RABGAP1L: variants seen among roughly 807,000 people sequenced by gnomAD.
RABGAP1L encodes rab GTPase-activating protein 1-like.
Under a neutral mutation model 137.7 loss-of-function variants are expected in RABGAP1L, and 63 were observed. That is an observed-to-expected ratio of 0.46 (90% CI 0.37 to 0.56). The LOEUF (loss-of-function observed/expected upper bound fraction) is 0.56, where lower values mean the gene tolerates loss of function less well. Ranked by LOEUF, RABGAP1L falls within the 20% of genes least tolerant of loss-of-function variation. RABGAP1L has a pLI of 0.00. For missense variants in RABGAP1L, 1,095 were observed against 1,244.0 expected (o/e 0.88, Z 1.80); for synonymous variants, 431 against 433.7 (o/e 0.99, Z 0.08).
chr1:174,349,953 T>C (rs958219793), intron 11 of RABGAP1L, among the ~76,000 whole-genome samples: 14 of 58,780 alleles, frequency 2.4e-4, no homozygotes, highest in East Asian at 5.9e-4. Context: ...GCTGGCCGGG[T>C]GGGGGGGCTG....
intron 17 of RABGAP1L, among the ~76,000 whole-genome samples, chr1:174,736,501 C>T (rs1387295188): frequency 6.6e-6 from 1 of 152,226 alleles, no homozygotes; most frequent in African/African-American, 2.4e-5. Context: ...AGGATTCAAG[C>T]TGCCCATGGC....
intron 19 of RABGAP1L, among the ~76,000 whole-genome samples, chr1:174,904,326 G>A (rs989104161): frequency 2.0e-5 from 3 of 152,094 alleles, no homozygotes; most frequent in Non-Finnish European, 4.4e-5. Context: ...AACTATGGTT[G>A]TACCACTGCA....
In RABGAP1L at chr1:174,488,085, T is replaced by G. The variant is rs115709427; in HGVS notation, c.1710+93940T>G. On this transcript the variant is annotated intron_variant, in intron 13 of 25. Transcript: ENST00000681986. Reference sequence around the variant, plus strand: ...ATACCACAGTTACAGTTTTATAATATTCTGTGGGGTTTTTTTCTGTGTATT... The same window carrying G: ...ATACCACAGTTACAGTTTTATAATAGTCTGTGGGGTTTTTTTCTGTGTATT... Among the ~76,000 whole-genome samples, 660 of 152,274 alleles carry G rather than the reference T, an allele frequency of 4.3e-3. 4 individuals are homozygous for G. The highest frequency in any genetic ancestry group is 0.015 in the African/African-American group (624 of 41,576).
At chr1:174,791,517 T>TCTAG (rs1443454287) in intron 18 of RABGAP1L, among the ~76,000 whole-genome samples, 13 of 152,220 alleles carry the variant, frequency 8.5e-5, no homozygotes, top group Admixed American at 8.5e-4. Flanking sequence ...AAAATGCTGG[T>TCTAG]CTAGCTTGAG....
At chr1:174,860,288 A>T (rs560684497) in intron 19 of RABGAP1L, among the ~76,000 whole-genome samples, 1 of 152,184 alleles carries the variant, frequency 6.6e-6, no homozygotes, top group Admixed American at 6.5e-5. Context: ...AGGGAGACGG[A>T]GGTGGAAGGA....
intron 13 of RABGAP1L, among the ~76,000 whole-genome samples, chr1:174,602,880 A>C (rs1670519695): frequency 6.6e-6 from 1 of 152,134 alleles, no homozygotes; most frequent in African/African-American, 2.4e-5. Context: ...GTGCTTCTTC[A>C]AAATAGGTAT....
chr1:174,952,256 C>T (rs1215921486), intron 19 of RABGAP1L, among the ~76,000 whole-genome samples: 2 of 141,120 alleles, frequency 1.4e-5, no homozygotes, highest in African/African-American at 2.7e-5. Flanking sequence ...AATCCCAGCA[C>T]TTTGGGAGGC....
intron 13 of RABGAP1L, among the ~76,000 whole-genome samples, chr1:174,489,519 T>A (rs1660010111): frequency 6.6e-6 from 1 of 151,618 alleles, no homozygotes; most frequent in Non-Finnish European, 1.5e-5. Context: ...CATTAAAAAG[T>A]CAGGAAACAA....
rs1415674068 is a variant in RABGAP1L, at chr1:174,281,270, C to T, written c.1323+2491C>T. Among the ~76,000 whole-genome samples, 2 of 151,788 alleles carry T rather than the reference C, an allele frequency of 1.3e-5. 1 individual carries two copies. The highest frequency in any genetic ancestry group is 2.9e-5 in the Non-Finnish European group (2 of 68,012). On this transcript the variant is annotated intron_variant, in intron 10 of 25. Transcript: ENST00000681986. ...CCAGCCTGCGCCCTGCTGATTGGTCCATTTTACAGAGCACTGATTGGTCCA... is the reference window on the plus strand; with the variant it reads ...CCAGCCTGCGCCCTGCTGATTGGTCTATTTTACAGAGCACTGATTGGTCCA...
chr1:174,978,778 C>A, intron 22 of RABGAP1L, 29 bp from the exon 23 acceptor site: 1 of 1,513,274 alleles, frequency 6.6e-7, no homozygotes, highest in Admixed American at 2.5e-5. Context: ...TTGGCTAAAT[C>A]CTGATATTTC....
intron 13 of RABGAP1L, among the ~76,000 whole-genome samples, chr1:174,438,130 G>T (rs1291387192): frequency 2.6e-5 from 4 of 152,166 alleles, no homozygotes; most frequent in Non-Finnish European, 5.9e-5. Flanking sequence ...AAATTGTAAA[G>T]ACCATCGAGG....
At chr1:174,945,165 T>C (rs1666533520) in intron 19 of RABGAP1L, among the ~76,000 whole-genome samples, 1 of 152,230 alleles carries the variant, frequency 6.6e-6, no homozygotes, top group Non-Finnish European at 1.5e-5. Context: ...CTTTCTGTGG[T>C]CCAATTTTGG....
chr1:174,590,115 T>C (rs1249148522), intron 13 of RABGAP1L, among the ~76,000 whole-genome samples: 1 of 140,942 alleles, frequency 7.1e-6, no homozygotes, highest in African/African-American at 2.6e-5. Flanking sequence ...TTGTGACCTC[T>C]TCAGTTTCTT....
intron 17 of RABGAP1L, among the ~76,000 whole-genome samples, chr1:174,720,171 C>G (rs1235105931): frequency 1.3e-5 from 2 of 151,660 alleles, no homozygotes; most frequent in African/African-American, 4.9e-5. Context: ...ACAAGGATGC[C>G]AAGACAATTT....
At chr1:174,658,353 T>A (rs1030431425) in intron 14 of RABGAP1L, among the ~76,000 whole-genome samples, 1 of 152,188 alleles carries the variant, frequency 6.6e-6, no homozygotes, top group Non-Finnish European at 1.5e-5. Context: ...ACCATTTGTG[T>A]TGAAAACTAG....
chr1:174,437,295 A>G (rs1279026290), intron 13 of RABGAP1L, among the ~76,000 whole-genome samples: 2 of 152,204 alleles, frequency 1.3e-5, no homozygotes, highest in Non-Finnish European at 2.9e-5. Context: ...AGTTCGAACC[A>G]ATGGCAAAGA....
intron 13 of RABGAP1L, among the ~76,000 whole-genome samples, chr1:174,602,737 C>A (rs192344182): frequency 6.6e-6 from 1 of 152,242 alleles, no homozygotes; most frequent in African/African-American, 2.4e-5. Context: ...GAGACTGATA[C>A]ATTCTTCAGT....
chr1:174,543,867 T>A (rs1237075643), intron 13 of RABGAP1L, among the ~76,000 whole-genome samples: 1 of 152,346 alleles, frequency 6.6e-6, no homozygotes, highest in East Asian at 1.9e-4. Context: ...TTAGTTTGGC[T>A]GAATATGAAA....
rs1683974558 is a variant in RABGAP1L at position 174,359,797 on chromosome 1, A to G, written c.1466-11182A>G. Among the ~76,000 whole-genome samples the G allele has an allele frequency of 2.0e-5, 3 of 152,312 alleles. No homozygotes were observed. The South Asian group carries it at 6.2e-4, about 32-fold the overall frequency. On this transcript the variant is annotated intron_variant, in intron 11 of 25. Coordinates refer to ENST00000681986, the MANE Select transcript of RABGAP1L (RefSeq NM_001366446.1). Reference sequence around the variant, plus strand: ...AACCTCTCTCTGCCTCAATTTTCTCATTTTTAAAATGGGCAAACTAATAGT... The same window carrying G: ...AACCTCTCTCTGCCTCAATTTTCTCGTTTTTAAAATGGGCAAACTAATAGT...
Sources: allele counts gnomAD v4.1 joint callset (sites outside exome capture counted in the v4.1 genomes callset), GRCh38; gene constraint gnomAD v4.1.1; transcripts MANE v1.5; gene names NCBI Gene and HGNC (gene_info 2026-07-23, HGNC 2026-07-21).